Variants in PCOLCE observed in about 807,000 individuals in gnomAD.
PCOLCE encodes procollagen C-endopeptidase enhancer.
PCOLCE carries 33 observed loss-of-function variants against 47.2 expected under a neutral mutation model. The observed-to-expected ratio is 0.70, with a 90% confidence interval of 0.53 to 0.93. The LOEUF (loss-of-function observed/expected upper bound fraction) is 0.93, where lower values mean the gene tolerates loss of function less well. Among genes scored for constraint, PCOLCE ranks in the 40% least tolerant of loss-of-function variants. The probability of loss-of-function intolerance (pLI) is 0.00; values close to 1 mark genes in which losing one functional copy is unlikely to be tolerated. For missense variants in PCOLCE, 584 were observed against 585.3 expected, an observed-to-expected ratio of 1.00 and a Z score of 0.02; for synonymous variants, 254 against 252.5, an observed-to-expected ratio of 1.01 and a Z score of -0.06.
Position 100,603,619 on chromosome 7 carries a change from T to TCC in PCOLCE, c.204+87_204+88dup, listed in dbSNP as rs58213224. 4 of 289,704 alleles carry TCC rather than the reference T, an allele frequency of 1.4e-5. No individual in the cohort carries two copies. In the African/African-American group the frequency reaches 1.9e-4, roughly 14 times the overall value. 17.9% of individuals were successfully genotyped at this position (289,704 alleles called of 1,614,324 possible). A position where few individuals can be genotyped will look rare whatever the true frequency, so the allele number is the denominator to read the frequency against. On this transcript the variant is annotated intron_variant, in intron 2 of 8. Transcript: ENST00000223061. ...TGACTGCGAAGGGACCCCCCCCCCGTCCCCCCCGCACCACCTTCTCAACCT... is the reference window on the plus strand; with the variant it reads ...TGACTGCGAAGGGACCCCCCCCCCGTCCCCCCCCCGCACCACCTTCTCAACCT...
rs1802640689 is a variant in PCOLCE, at chr7:100,603,038, AC to A, written c.96-387del. ...CCACTGCAGCTCCCTCCATCTCTCCACCCCCTCCCCCCCACCGCCTCGTGGC... is the reference window on the plus strand; with the variant it reads ...CCACTGCAGCTCCCTCCATCTCTCCACCCCTCCCCCCCACCGCCTCGTGGC... On this transcript the variant is annotated intron_variant, in intron 1 of 8. Transcript: ENST00000223061. The A allele has an allele frequency of 1.3e-5, 3 of 222,676 alleles. No individual in the cohort carries two copies. The South Asian group carries it at 2.5e-4, about 19-fold the overall frequency. 13.8% of individuals were successfully genotyped at this position (222,676 alleles called of 1,614,324 possible).
Position 100,604,361 on chromosome 7 carries a change from C to T in PCOLCE, c.463+144C>T. 3 of 665,196 alleles carry T rather than the reference C, an allele frequency of 4.5e-6. No individual in the cohort carries two copies. The highest frequency in any genetic ancestry group is 7.6e-6 in the Non-Finnish European group (3 of 393,034). 41.2% of individuals were successfully genotyped at this position (665,196 alleles called of 1,614,324 possible). ...CTCCCTGACCCATTTTCCTCACTAA[C>T]CGCCCCTTCAGTCCCTCCTCCCCGT... On this transcript the variant is annotated intron_variant, in intron 3 of 8. Coordinates refer to ENST00000223061, the MANE Select transcript of PCOLCE (RefSeq NM_002593.4). This position sits in a 1 kb window ranked among gnomAD's most constrained non-coding sequence, Gnocchi z 6.4.
In PCOLCE at chr7:100,605,596, C is replaced by T; in HGVS notation, c.589-80C>T. The stretch of plus-strand genomic sequence containing the variant: ...ACGCGGGAGGTGGGAGTGGGAGCTG[C>T]TGCAGGCACCCAGTAGGAGATGAGG... On this transcript the variant is annotated intron_variant, in intron 4 of 8. Transcript: ENST00000223061. The surrounding 1 kb of genome is among the most constrained non-coding windows in gnomAD (Gnocchi z 6.1). 2 of 1,496,326 alleles carry T rather than the reference C, an allele frequency of 1.3e-6. No individual in the cohort carries two copies. Among genetic ancestry groups the T allele is most frequent in the South Asian group, 2.6e-5 (2 of 78,220 alleles). 92.7% of individuals were successfully genotyped at this position (1,496,326 alleles called of 1,614,324 possible). A position where few individuals can be genotyped will look rare whatever the true frequency, so the allele number is the denominator to read the frequency against.
Position 100,605,618 on chromosome 7 carries a change from G to A in PCOLCE, c.589-58G>A, listed in dbSNP as rs1298907828. ...CTGCTGCAGGCACCCAGTAGGAGATGAGGTGCAGGCGCCCAGGGGTGTCCC... is the reference window on the plus strand; with the variant it reads ...CTGCTGCAGGCACCCAGTAGGAGATAAGGTGCAGGCGCCCAGGGGTGTCCC... On this transcript the variant is annotated intron_variant, in intron 4 of 8. Coordinates refer to ENST00000223061, the MANE Select transcript of PCOLCE (RefSeq NM_002593.4). This position sits in a 1 kb window ranked among gnomAD's most constrained non-coding sequence, Gnocchi z 6.1. 6.5e-7 allele frequency: 1 copy of A among 1,534,834 alleles called. No individual in the cohort carries two copies. Among genetic ancestry groups the A allele is most frequent in the East Asian group, 2.4e-5 (1 of 41,094 alleles).
Position 100,608,053 on chromosome 7 carries a change from A to C in PCOLCE, c.1300A>C (p.Lys434Gln). 6.2e-7 allele frequency: 1 copy of C among 1,613,958 alleles called. No individual in the cohort carries two copies. Among genetic ancestry groups the C allele is most frequent in the Non-Finnish European group, 8.5e-7 (1 of 1,180,018 alleles). Residue 434 changes from lysine (K) to glutamine (Q), a missense_variant, in exon 9 of 9, where the codon AAG becomes CAG. Coordinates refer to ENST00000223061, the MANE Select transcript of PCOLCE (RefSeq NM_002593.4). ...NQDQILTNLS[K>Q]RKCPSQPVRA... ...GGACCAGATCCTCACCAACCTAAGC[A>C]AGAGGAAGTGCCCCTCTCAACCTGT...
At chr7:100,606,695 C>G in intron 6 of PCOLCE, 65 bp downstream of exon 6, 1 of 1,294,810 alleles carries the variant, frequency 7.7e-7, no homozygotes, top group Non-Finnish European at 1.1e-6. Context: ...AAGTTCTGAC[C>G]TGGGCTGTGG....
At chr7:100,606,033 T>C in intron 5 of PCOLCE, 2 of 592,680 alleles carry the variant, frequency 3.4e-6, no homozygotes. Flanking sequence ...TGGGACGAAG[T>C]TAAAAGGCCA....
rs1452647773 is a variant in PCOLCE, at chr7:100,607,723, G to A, written c.1099G>A (p.Gly367Arg). ...CAGTCTTATTGGTGCTTATAAAACT[G>A]GAGGACTGGACCTGCCTTCTCCACC... ...TVSLIGAYKT[G>R]GLDLPSPPTG... The change falls in exon 8 of 9, where the codon GGA (glycine) becomes AGA (arginine). Residue 367 changes from glycine (G) to arginine (R), a missense_variant. Physicochemically the swap from Gly to Arg is moderately radical, Grantham distance 125. Coordinates refer to ENST00000223061, the MANE Select transcript of PCOLCE (RefSeq NM_002593.4). The A allele has an allele frequency of 2.5e-6, 4 of 1,613,740 alleles. No individual in the cohort carries two copies. The highest frequency in any genetic ancestry group is 2.2e-5 in the East Asian group (1 of 44,842).
In PCOLCE at chr7:100,602,390, G is replaced by T. The variant is rs1334662891; in HGVS notation, c.-67G>T. 2 of 1,055,246 alleles carry T rather than the reference G, an allele frequency of 1.9e-6. No individual in the cohort carries two copies. Among genetic ancestry groups the T allele is most frequent in the Non-Finnish European group, 3.0e-6 (2 of 677,914 alleles). The allele number at this position is 1,055,246 out of a possible 1,614,324, so 65.4% of individuals were successfully genotyped here. A position where few individuals can be genotyped will look rare whatever the true frequency, so the allele number is the denominator to read the frequency against. On this transcript the variant is annotated 5_prime_UTR_variant, in exon 1 of 9. Transcript: ENST00000223061. ...TTATCCTGCTGCTGCCGCCACCGCT[G>T]CTGCTGCTCTGCAAAATTCAGCTGC...
In PCOLCE at chr7:100,605,507, TCCC is replaced by T; in HGVS notation, c.589-168_589-166del. On this transcript the variant is annotated intron_variant, in intron 4 of 8. Transcript: ENST00000223061. The surrounding 1 kb of genome is among the most constrained non-coding windows in gnomAD (Gnocchi z 6.1). ...CACGACGACCGACACCCCTGCAGGG[TCCC>T]ATGGGTGTGTGTGGTCCTCCGTGCT... 1.2e-6 allele frequency: 1 copy of T among 810,276 alleles called. No individual in the cohort carries two copies. The allele number at this position is 810,276 out of a possible 1,614,324, so 50.2% of individuals were successfully genotyped here. A position where few individuals can be genotyped will look rare whatever the true frequency, so the allele number is the denominator to read the frequency against.
chr7:100,603,838 A>G (rs2131287325), intron 2 of PCOLCE, 121 bp from the exon 3 acceptor site: 6 of 1,162,124 alleles, frequency 5.2e-6, no homozygotes, highest in Non-Finnish European at 7.4e-6. Flanking sequence ...CTGCACTCAC[A>G]TGGAGGCCCC....
At chr7:100,602,854 A>T (rs1233632964) in intron 1 of PCOLCE, 4 of 450,760 alleles carry the variant, frequency 8.9e-6, no homozygotes, top group African/African-American at 8.1e-5. Context: ...CTTGCCTGGT[A>T]GCTGGATTCC....
At chr7:100,603,659 T>C (rs1232174507) in intron 2 of PCOLCE, 121 bp downstream of exon 2, 2 of 487,890 alleles carry the variant, frequency 4.1e-6, no homozygotes, top group East Asian at 4.0e-5. Flanking sequence ...CAGCTCCAAG[T>C]GTCTTCCCTC....
At position 100,603,483 on chromosome 7, in the gene PCOLCE, G is replaced by A. The variant is rs184034467; in HGVS notation, c.149G>A (p.Ser50Asn). 6.2e-7 allele frequency: 1 copy of A among 1,607,584 alleles called. No homozygotes were observed. The highest frequency in any genetic ancestry group is 1.3e-5 in the African/African-American group (1 of 74,498). ...DVKGESGYVASEGFPNLYPPN... is the reference protein window; with the variant it reads ...DVKGESGYVANEGFPNLYPPN... ...AAGGGGGAATCAGGTTACGTGGCAAGTGAGGGGTTCCCCAACCTCTACCCC... is the reference window on the plus strand; with the variant it reads ...AAGGGGGAATCAGGTTACGTGGCAAATGAGGGGTTCCCCAACCTCTACCCC... The change falls in exon 2 of 9, where the codon AGT (serine) becomes AAT (asparagine). Residue 50 changes from serine to asparagine, a missense_variant. Physicochemically the swap from Ser to Asn is conservative, Grantham distance 46. Coordinates refer to ENST00000223061, the MANE Select transcript of PCOLCE (RefSeq NM_002593.4).
chr7:100,603,792 G>T (rs545078781), intron 2 of PCOLCE, 167 bp from the exon 3 acceptor site: 10 of 729,202 alleles, frequency 1.4e-5, no homozygotes, highest in Middle Eastern at 3.8e-4. Context: ...CCCTGCACAG[G>T]CTACCAGCAG....
rs527287800 is a variant in PCOLCE at position 100,608,091 on chromosome 7, G to A, written c.1338G>A (p.Ala446=). The A allele has an allele frequency of 2.3e-5, 37 of 1,613,644 alleles. 1 individual carries two copies. The Admixed American group carries it at 2.7e-4, about 12-fold the overall frequency. The change falls in exon 9 of 9, where the codon GCG becomes GCA. Residue 446 remains alanine (A), a synonymous_variant. Transcript: ENST00000223061. Reference sequence around the variant, plus strand: ...CCTCTCAACCTGTGCGGGCTGCTGCGTCCCAGGACTGAGACGCAGGCCAGC... The same window carrying A: ...CCTCTCAACCTGTGCGGGCTGCTGCATCCCAGGACTGAGACGCAGGCCAGC... The part of the protein sequence containing the change: ...KCPSQPVRAA[A]SQD
In PCOLCE at chr7:100,608,048, TAAGC is replaced by T; in HGVS notation, c.1299_1302del (p.Ser433ArgfsTer25). 1 of 1,614,002 alleles carries T rather than the reference TAAGC, an allele frequency of 6.2e-7. No individual in the cohort carries two copies. Among genetic ancestry groups the T allele is most frequent in the Non-Finnish European group, 8.5e-7 (1 of 1,180,008 alleles). On this transcript the variant is annotated frameshift_variant, in exon 9 of 9. Transcript: ENST00000223061. LOFTEE classifies it high-confidence loss of function. ...AACCAGGACCAGATCCTCACCAACC[TAAGC>T]AAGAGGAAGTGCCCCTCTCAACCTG...
At position 100,602,479 on chromosome 7, in the gene PCOLCE, C is replaced by T; in HGVS notation, c.23C>T (p.Ser8Phe). The T allele has an allele frequency of 6.2e-7, 1 of 1,612,600 alleles. No homozygotes were observed. The highest frequency in any genetic ancestry group is 1.3e-5 in the African/African-American group (1 of 75,024). Residue 8 changes from serine to phenylalanine, a missense_variant, in exon 1 of 9, where the codon TCC (serine) becomes TTC (phenylalanine). Coordinates refer to ENST00000223061, the MANE Select transcript of PCOLCE (RefSeq NM_002593.4). Reference protein sequence around the residue: MLPAATASLLGPLLTACA... With the variant: MLPAATAFLLGPLLTACA... ...GCCATGCTGCCTGCAGCCACAGCCT[C>T]CCTCCTGGGGCCCCTCCTCACTGCC...
In PCOLCE at chr7:100,605,460, G is replaced by A. The variant is rs1584441446; in HGVS notation, c.589-216G>A. On this transcript the variant is annotated intron_variant, in intron 4 of 8. Transcript: ENST00000223061. The surrounding 1 kb of genome is among the most constrained non-coding windows in gnomAD (Gnocchi z 6.1). ...ACGCGGGCCTGTCACTTGTGAGTGCGCCAGGACTTGACCTTGCCAACCACG... is the reference window on the plus strand; with the variant it reads ...ACGCGGGCCTGTCACTTGTGAGTGCACCAGGACTTGACCTTGCCAACCACG... The A allele has an allele frequency of 4.5e-6, 3 of 663,826 alleles. No homozygotes were observed. In the East Asian group the frequency reaches 8.3e-5, roughly 18 times the overall value. The allele number at this position is 663,826 out of a possible 1,614,324, so 41.1% of individuals were successfully genotyped here. A position where few individuals can be genotyped will look rare whatever the true frequency, so the allele number is the denominator to read the frequency against.
Sources: gnomAD v4.1 joint callset for allele counts on GRCh38, gnomAD v4.1.1 for gene constraint, Gnocchi (gnomAD v3.1) non-coding constraint, MANE v1.5 for transcripts, NCBI Gene and HGNC (gene_info 2026-07-23, HGNC 2026-07-21) for gene names.